The following TMEM91 variants were observed in gnomAD, a reference collection of about 807,000 sequenced individuals.
TMEM91 encodes transmembrane protein 91, also known as dispanin subfamily C member 3.
A neutral mutation model predicts 13.3 loss-of-function variants in TMEM91; 6 were observed. The ratio of observed to expected loss-of-function variants is 0.45; its 90% CI spans 0.25 to 0.89. The LOEUF (loss-of-function observed/expected upper bound fraction) is 0.89, where lower values mean the gene tolerates loss of function less well. Ranked by LOEUF, TMEM91 falls within the 40% of genes least tolerant of loss-of-function variation. TMEM91 has a pLI of 0.19. For synonymous variants in TMEM91, 87 were observed against 101.7 expected (o/e 0.86, Z 0.87); for missense variants, 193 against 228.7 (o/e 0.84, Z 1.01).
chr19:41,374,006 G>C (rs1319857249), upstream of TMEM91: 1 of 152,234 alleles, frequency 6.6e-6, no homozygotes, highest in Non-Finnish European at 1.5e-5. Flanking sequence ...AATATGAAAA[G>C]AATGAGAGCA....
chr19:41,364,549 C>CA (rs1286648944), intron 1 of TMEM91, among the ~76,000 whole-genome samples: 8 of 151,648 alleles, frequency 5.3e-5, no homozygotes, highest in African/African-American at 4.9e-5. Context: ...GAAAACAAAG[C>CA]AAAAAAATCA....
At chr19:41,374,854 A>G (rs1284576584), upstream of TMEM91, among the ~76,000 whole-genome samples, 1 of 152,128 alleles carries the variant, frequency 6.6e-6, no homozygotes, top group Non-Finnish European at 1.5e-5. Flanking sequence ...GTGATGGCGC[A>G]TTCCTGTAAT....
intron 2 of TMEM91, among the ~76,000 whole-genome samples, 180 bp from the exon 3 acceptor site, chr19:41,382,592 T>C (rs2038914620): frequency 6.6e-6 from 1 of 152,174 alleles, no homozygotes; most frequent in Admixed American, 6.5e-5. Context: ...CCAGCCTGGG[T>C]GACAGAGCAA....
At chr19:41,368,218 C>G (rs974599650) in intron 1 of TMEM91, among the ~76,000 whole-genome samples, 1 of 151,858 alleles carries the variant, frequency 6.6e-6, no homozygotes, top group Non-Finnish European at 1.5e-5. Context: ...CTGGACCAGA[C>G]TAGGCAACGT....
intron 2 of TMEM91, 37 bp downstream of exon 2, chr19:41,378,556 G>A: frequency 6.2e-7 from 1 of 1,610,020 alleles, no homozygotes; most frequent in Non-Finnish European, 8.5e-7. Context: ...GGCACGGGAG[G>A]GGGCTGGGGT....
At chr19:41,380,169 C>T (rs1447593221) in intron 2 of TMEM91, among the ~76,000 whole-genome samples, 1 of 152,018 alleles carries the variant, frequency 6.6e-6, no homozygotes, top group Non-Finnish European at 1.5e-5. Flanking sequence ...TGCCAGATTA[C>T]AGGCGTGAGC....
intron 1 of TMEM91, among the ~76,000 whole-genome samples, chr19:41,371,306 A>ATCCTC (rs2038613161): frequency 8.1e-6 from 1 of 122,896 alleles, no homozygotes; most frequent in Admixed American, 7.9e-5. Context: ...CTGGCCCACT[A>ATCCTC]TCCTCTCCTT....
intron 2 of TMEM91, among the ~76,000 whole-genome samples, chr19:41,382,309 G>A (rs1343720981): frequency 1.3e-5 from 2 of 152,266 alleles, no homozygotes; most frequent in East Asian, 3.9e-4. Flanking sequence ...CCTTCAAAGG[G>A]CTCCAGGATA....
intron 1 of TMEM91, among the ~76,000 whole-genome samples, chr19:41,366,052 C>CTTTTT (rs11375696): frequency 4.7e-5 from 5 of 105,840 alleles, no homozygotes; most frequent in Admixed American, 2.1e-4. Context: ...TATTTATTTA[C>CTTTTT]TTTTTTTTTT....
At chr19:41,382,950 ACTGGGC>A in intron 3 of TMEM91, 29 bp downstream of exon 3, 1 of 1,213,054 alleles carries the variant, frequency 8.2e-7, no homozygotes. Flanking sequence ...CTTGGAGGGG[ACTGGGC>A]ATAAAAGAGA....
At chr19:41,383,521 ATTAT>A (rs1568494355) in intron 3 of TMEM91, 190 bp from the exon 4 acceptor site, 2 of 1,455,534 alleles carry the variant, frequency 1.4e-6, no homozygotes, top group Non-Finnish European at 9.1e-7. Flanking sequence ...TATTATTATT[ATTAT>A]TTTTTACCAT....
chr19:41,370,596 G>A (rs1054474780), intron 1 of TMEM91, among the ~76,000 whole-genome samples: 1 of 151,580 alleles, frequency 6.6e-6, no homozygotes, highest in Non-Finnish European at 1.5e-5. Flanking sequence ...TAGTAGAGAC[G>A]GGGTTTCACC....
chr19:41,382,656 T>G, intron 2 of TMEM91, 116 bp from the exon 3 acceptor site: 1 of 1,398,210 alleles, frequency 7.2e-7, no homozygotes, highest in Middle Eastern at 2.5e-4. Flanking sequence ...TTTTTCTCTT[T>G]GTATCTCTGG....
At position 41,382,889 on chromosome 19, in the gene TMEM91, G is replaced by A. The variant is rs768832412; in HGVS notation, c.328G>A (p.Val110Ile). ...VFSMLCCFWP[V>I]GIAAFCLAQK... ...CTCCATGCTGTGTTGTTTCTGGCCC[G>A]TTGGCATCGCTGCCTTCTGTCTAGC... Residue 110 changes from valine to isoleucine, a missense_variant, in exon 3 of 4, where the codon GTT becomes ATT. Coordinates refer to ENST00000392002, the MANE Select transcript of TMEM91 (RefSeq NM_001098821.2). 39 of 1,614,164 alleles carry A rather than the reference G, an allele frequency of 2.4e-5. No homozygotes were observed. The highest frequency in any genetic ancestry group is 3.2e-5 in the Non-Finnish European group (38 of 1,180,042).
At chr19:41,381,179 C>T (rs1207985880) in intron 2 of TMEM91, among the ~76,000 whole-genome samples, 1 of 148,848 alleles carries the variant, frequency 6.7e-6, no homozygotes, top group African/African-American at 2.5e-5. Flanking sequence ...ATTTTATAAT[C>T]TCCATCTTTT....
At chr19:41,364,482 C>G (rs2038480035) in intron 1 of TMEM91, among the ~76,000 whole-genome samples, 1 of 152,014 alleles carries the variant, frequency 6.6e-6, no homozygotes, top group Non-Finnish European at 1.5e-5. Context: ...GAGATTGAAC[C>G]AGGACCAAGG....
upstream of TMEM91, among the ~76,000 whole-genome samples, chr19:41,375,273 C>CTTTTTTTTT (rs906641411): frequency 5.1e-4 from 30 of 58,648 alleles, 1 homozygote; most frequent in East Asian, 1.9e-3. Context: ...ATTTTCTTTT[C>CTTTTTTTTT]TTTTTTTTTT....
At chr19:41,373,792 GAGA>G (rs2038661611), upstream of TMEM91, among the ~76,000 whole-genome samples, 1 of 150,362 alleles carries the variant, frequency 6.7e-6, no homozygotes, top group Non-Finnish European at 1.5e-5. Context: ...GCTGAGGTGG[GAGA>G]ATGGCTTGAA....
chr19:41,367,311 T>C (rs1228498186), intron 1 of TMEM91, among the ~76,000 whole-genome samples: 1 of 152,124 alleles, frequency 6.6e-6, no homozygotes, highest in Non-Finnish European at 1.5e-5. Context: ...TCTTTCTTTC[T>C]TTCTCCTTTC....
Sources: allele counts gnomAD v4.1 joint callset (sites outside exome capture counted in the v4.1 genomes callset), GRCh38; gene constraint gnomAD v4.1.1; transcripts MANE v1.5; gene names NCBI Gene and HGNC (gene_info 2026-07-23, HGNC 2026-07-21).